NR4A3: variants seen among roughly 807,000 people sequenced by gnomAD.
NR4A3 encodes chondrosarcoma, extraskeletal myxoid, fused to EWS.
A neutral mutation model predicts 55.6 loss-of-function variants in NR4A3; 13 were observed. The observed-to-expected ratio is 0.23, with a 90% CI of 0.15 to 0.37. The LOEUF is 0.37. Ranked by LOEUF, NR4A3 falls within the 10% of genes least tolerant of loss-of-function variation. The probability of loss-of-function intolerance (pLI) is 1.00; values close to 1 mark genes in which losing one functional copy is unlikely to be tolerated. For synonymous variants in NR4A3, 342 were observed against 357.9 expected, an observed-to-expected ratio of 0.96 and a Z score of 0.50; for missense variants, 646 against 822.8, an observed-to-expected ratio of 0.79 and a Z score of 2.63.
At chr9:99,831,060 G>T (rs1184721439) in intron 3 of NR4A3, among the ~76,000 whole-genome samples, 2 of 152,194 alleles carry the variant, frequency 1.3e-5, no homozygotes, top group Non-Finnish European at 2.9e-5. Flanking sequence ...CCATTAAATT[G>T]AGTTCTTTAA....
chr9:99,859,621 G>A (rs1237272004), intron 7 of NR4A3, among the ~76,000 whole-genome samples: 1 of 152,170 alleles, frequency 6.6e-6, no homozygotes, highest in Non-Finnish European at 1.5e-5. Flanking sequence ...ATCTCCACTT[G>A]AATTCACTGA....
chr9:99,836,518 G>A (rs1827562497), intron 5 of NR4A3, among the ~76,000 whole-genome samples: 1 of 152,210 alleles, frequency 6.6e-6, no homozygotes. Context: ...GGGATTTACT[G>A]TTTCTGGGAA....
At chr9:99,842,534 C>T (rs1046459958) in intron 5 of NR4A3, among the ~76,000 whole-genome samples, 1 of 152,106 alleles carries the variant, frequency 6.6e-6, no homozygotes, top group African/African-American at 2.4e-5. Context: ...AGTTTGAGAC[C>T]AGCTTGGCCA....
intron 7 of NR4A3, among the ~76,000 whole-genome samples, chr9:99,856,446 G>T (rs975826499): frequency 6.6e-6 from 1 of 152,170 alleles, no homozygotes; most frequent in African/African-American, 2.4e-5. Flanking sequence ...AAATACAGAT[G>T]AAGCTTCACT....
At position 99,851,647 on chromosome 9, in the gene NR4A3, C is replaced by T. The variant is rs148364309; in HGVS notation, c.1633+4032C>T. Among the ~76,000 whole-genome samples, 385 of 152,284 alleles carry T rather than the reference C, an allele frequency of 2.5e-3. 4 individuals are homozygous for T. Among genetic ancestry groups the T allele is most frequent in the Middle Eastern group, 6.8e-3 (2 of 294 alleles). On this transcript the variant is annotated intron_variant, in intron 7 of 7. Transcript: ENST00000395097. ...AAATGGTTTCATTCAGATCACTCTC[C>T]TTTCCTGCAGTAAACAGGGGGTTCC... is the stretch of plus-strand genomic sequence containing the variant.
intron 7 of NR4A3, among the ~76,000 whole-genome samples, chr9:99,849,453 G>A (rs892573681): frequency 1.3e-5 from 2 of 152,038 alleles, no homozygotes; most frequent in Admixed American, 6.6e-5. Context: ...CATTTGGAAG[G>A]CTTTCAAATG....
chr9:99,823,367 T>C (rs1827220317), intron 1 of NR4A3, among the ~76,000 whole-genome samples: 1 of 152,180 alleles, frequency 6.6e-6, no homozygotes, highest in South Asian at 2.1e-4. Context: ...AGAACGCATT[T>C]GTCCCTTGAT....
Position 99,828,588 on chromosome 9 carries a change from G to C in NR4A3, c.546G>C (p.Thr182=), listed in dbSNP as rs1471926574. ...ACCCGCCGATGAAGGCGGTCCCCACGGTGGCCGGCGCGCGCTTCCCGCTCT... is the reference window on the plus strand; with the variant it reads ...ACCCGCCGATGAAGGCGGTCCCCACCGTGGCCGGCGCGCGCTTCCCGCTCT... The part of the protein sequence containing the change: ...LLDPPMKAVP[T]VAGARFPLFH... Residue 182 remains threonine, a synonymous_variant, in exon 3 of 8, where the codon ACG becomes ACC. Transcript: ENST00000395097. The surrounding 1 kb of genome is among the most constrained non-coding windows in gnomAD (Gnocchi z 7.7). The C allele has an allele frequency of 1.9e-6, 3 of 1,557,620 alleles. No individual in the cohort carries two copies. The highest frequency in any genetic ancestry group is 2.8e-5 in the African/African-American group (2 of 72,156).
chr9:99,827,048 T>C (rs777155823), intron 2 of NR4A3, among the ~76,000 whole-genome samples: 2 of 152,160 alleles, frequency 1.3e-5, no homozygotes, highest in African/African-American at 4.8e-5. Flanking sequence ...CTCTGAACAA[T>C]AGTAAGCACC....
At chr9:99,844,598 A>C (rs898765792) in intron 5 of NR4A3, 51 bp from the exon 6 acceptor site, 1 of 1,496,790 alleles carries the variant, frequency 6.7e-7, no homozygotes, top group Non-Finnish European at 9.3e-7. Flanking sequence ...AAGTGATGCC[A>C]TCATCCCCAC....
Position 99,828,683 on chromosome 9 carries a change from A to G in NR4A3, c.641A>G (p.Asp214Gly). 1.5e-6 allele frequency: 2 copies of G among 1,362,910 alleles called. No homozygotes were observed. Among genetic ancestry groups the G allele is most frequent in the Non-Finnish European group, 1.9e-6 (2 of 1,065,984 alleles). The allele number at this position is 1,362,910 out of a possible 1,614,324, so 84.4% of individuals were successfully genotyped here. ...SPAGGHHLGY[D>G]PTAAAALSLP... ...GCCGGCGGCCACCACCTCGGCTACG[A>G]CCCGACGGCCGCTGCCGCGCTCAGC... Residue 214 changes from aspartate (D) to glycine (G), a missense_variant, in exon 3 of 8, where the codon GAC (aspartate) becomes GGC (glycine). Asp to Gly is a moderately conservative substitution (Grantham distance 94). Coordinates refer to ENST00000395097, the MANE Select transcript of NR4A3 (RefSeq NM_006981.4). This position sits in a 1 kb window ranked among gnomAD's most constrained non-coding sequence, Gnocchi z 7.7.
chr9:99,844,939 C>T, intron 6 of NR4A3, 91 bp downstream of exon 6: 2 of 1,004,692 alleles, frequency 2.0e-6, no homozygotes, highest in East Asian at 5.0e-5. Context: ...GAAACGTTTT[C>T]TCAAGAAGCA....
At chr9:99,857,599 A>C (rs748284134) in intron 7 of NR4A3, among the ~76,000 whole-genome samples, 33 of 152,090 alleles carry the variant, frequency 2.2e-4, no homozygotes, top group Non-Finnish European at 3.8e-4. Context: ...ATCCTGGCCA[A>C]CATGGTGAAA....
intron 7 of NR4A3, among the ~76,000 whole-genome samples, chr9:99,851,842 C>G (rs980550237): frequency 1.3e-5 from 2 of 152,148 alleles, no homozygotes; most frequent in Non-Finnish European, 2.9e-5. Flanking sequence ...TAAGAAGCCC[C>G]CTCACCAAAC....
intron 6 of NR4A3, among the ~76,000 whole-genome samples, chr9:99,845,345 G>T (rs1186662802): frequency 1.3e-5 from 2 of 152,218 alleles, no homozygotes; most frequent in African/African-American, 4.8e-5. Flanking sequence ...TATTCCAAGA[G>T]AACACTCTTA....
intron 5 of NR4A3, among the ~76,000 whole-genome samples, chr9:99,843,640 G>A (rs772263287): frequency 6.6e-6 from 1 of 151,612 alleles, no homozygotes; most frequent in African/African-American, 2.4e-5. Context: ...GCAACATAGC[G>A]ATACCCACCC....
Position 99,851,725 on chromosome 9 carries a change from A to T in NR4A3, c.1633+4110A>T, listed in dbSNP as rs531050982. 3.3e-5 allele frequency among the ~76,000 whole-genome samples: 5 copies of T among 152,300 alleles called. No homozygotes were observed. In the East Asian group the frequency reaches 9.6e-4, roughly 29 times the overall value. The stretch of plus-strand genomic sequence containing the variant: ...TCAGGTTCCCTGTTTATCTACCCTA[A>T]CCATTGCCCTTTGCCAGTGCTGCAT... On this transcript the variant is annotated intron_variant, in intron 7 of 7. Transcript: ENST00000395097.
chr9:99,846,622 CT>C (rs1305283518), intron 6 of NR4A3, among the ~76,000 whole-genome samples: 1 of 152,136 alleles, frequency 6.6e-6, no homozygotes, highest in Non-Finnish European at 1.5e-5. Flanking sequence ...TTGTGATAGA[CT>C]TCTGGCACTT....
intron 7 of NR4A3, among the ~76,000 whole-genome samples, chr9:99,850,024 T>C (rs1779409879): frequency 6.6e-6 from 1 of 152,050 alleles, no homozygotes; most frequent in Non-Finnish European, 1.5e-5. Context: ...GGCATAAACA[T>C]TTGCCAAAAG....
Sources: allele counts gnomAD v4.1 joint callset (sites outside exome capture counted in the v4.1 genomes callset), GRCh38; gene constraint gnomAD v4.1.1; non-coding constraint Gnocchi (gnomAD v3.1); transcripts MANE v1.5; gene names NCBI Gene and HGNC (gene_info 2026-07-23, HGNC 2026-07-21).